RPS6KA2: variants seen among roughly 807,000 people sequenced by gnomAD.
The protein encoded by RPS6KA2 is ribosomal protein S6 kinase alpha-2.
A neutral mutation model predicts 91.8 loss-of-function variants in RPS6KA2; 42 were observed. That is an observed-to-expected ratio of 0.46 (90% CI 0.36 to 0.59). The LOEUF (loss-of-function observed/expected upper bound fraction) is 0.59, where lower values mean the gene tolerates loss of function less well. RPS6KA2 is among the 20% of genes least tolerant of loss of function. The pLI, the probability that RPS6KA2 is intolerant of heterozygous loss-of-function variation, is 0.00. For synonymous variants in RPS6KA2, 414 were observed against 393.6 expected, an observed-to-expected ratio of 1.05 and a Z score of -0.61; for missense variants, 798 against 978.5, an observed-to-expected ratio of 0.82 and a Z score of 2.46.
chr6:166,582,389 G>C (rs1785049408), intron 1 of RPS6KA2, among the ~76,000 whole-genome samples: 1 of 152,220 alleles, frequency 6.6e-6, no homozygotes, highest in Admixed American at 6.5e-5. Context: ...TTGGGAGAGT[G>C]AACATGTGTT....
chr6:166,742,407 T>A (rs531665444), intron 2 of RPS6KA2, among the ~76,000 whole-genome samples: 2 of 152,254 alleles, frequency 1.3e-5, no homozygotes, highest in South Asian at 4.1e-4. Context: ...CAGAGTTGTG[T>A]CATAAGAGAG....
In RPS6KA2 at chr6:166,511,286, C is replaced by T. The variant is rs115102636; in HGVS notation, c.299-929G>A. On this transcript the variant is annotated intron_variant, in intron 3 of 20. Transcript: ENST00000265678. ...TCATCCAATGGTGTGAGCATACATA[C>T]GTGATCCCTGCCTGAATCATTCAGG... 7.6e-3 allele frequency among the ~76,000 whole-genome samples: 1,159 copies of T among 152,300 alleles called. 20 individuals carry two copies. Among genetic ancestry groups the T allele is most frequent in the African/African-American group, 0.027 (1,128 of 41,556 alleles).
chr6:166,767,553 T>G lies in RPS6KA2; in HGVS notation c.123+90647A>C, dbSNP rs1465998513. On this transcript the variant is annotated intron_variant, in intron 2 of 21. Coordinates refer to the RPS6KA2 transcript ENST00000503859. This position sits in a 1 kb window ranked among gnomAD's most constrained non-coding sequence, Gnocchi z 4.6. ...GGAGCCCTTCAGACTGCGCTCCACT[T>G]GCCAGCAAGCCTCAAAGGGACCCAG... 6.6e-6 allele frequency among the ~76,000 whole-genome samples: 1 copy of G among 152,158 alleles called. No individual in the cohort carries two copies. Among genetic ancestry groups the G allele is most frequent in the South Asian group, 2.1e-4 (1 of 4,820 alleles).
chr6:166,564,627 C>T (rs11970618), intron 1 of RPS6KA2, among the ~76,000 whole-genome samples: 1 of 152,192 alleles, frequency 6.6e-6, no homozygotes, highest in Non-Finnish European at 1.5e-5. Context: ...CTTGCACTTG[C>T]TCTTTAATGT....
At chr6:166,792,931 T>C (rs1363820389) in intron 2 of RPS6KA2, among the ~76,000 whole-genome samples, 1 of 152,140 alleles carries the variant, frequency 6.6e-6, no homozygotes, top group Non-Finnish European at 1.5e-5. Flanking sequence ...AGCATTCCCT[T>C]TGAAAACTGG....
chr6:166,538,390 T>G (rs1383995377), intron 2 of RPS6KA2, among the ~76,000 whole-genome samples: 1 of 152,184 alleles, frequency 6.6e-6, no homozygotes, highest in Admixed American at 6.5e-5. Context: ...CTTCCTCACC[T>G]TGGTGATGAT....
At position 166,423,652 on chromosome 6, in the gene RPS6KA2, C is replaced by T. The variant is rs779581700; in HGVS notation, c.1582-235G>A. On this transcript the variant is annotated intron_variant, in intron 16 of 20. Transcript: ENST00000265678. The surrounding 1 kb of genome is among the most constrained non-coding windows in gnomAD (Gnocchi z 4.8). ...GAGCTCCTGGTGTCACCTGCTTTTACAGTGAATGAATATTTGAGTAAATAA... is the reference window on the plus strand; with the variant it reads ...GAGCTCCTGGTGTCACCTGCTTTTATAGTGAATGAATATTTGAGTAAATAA... Among the ~76,000 whole-genome samples, 5 of 152,196 alleles carry T rather than the reference C, an allele frequency of 3.3e-5. No homozygotes were observed. The highest frequency in any genetic ancestry group is 4.8e-5 in the African/African-American group (2 of 41,446).
rs750607336 is a variant in RPS6KA2 at position 166,448,718 on chromosome 6, C to T, written c.1332+6G>A. 6.8e-6 allele frequency: 11 copies of T among 1,608,228 alleles called. No individual in the cohort carries two copies. The highest frequency in any genetic ancestry group is 5.1e-5 in the Admixed American group (3 of 59,108). On this transcript the variant is annotated splice_donor_region_variant and intron_variant, in intron 14 of 20. Transcript: ENST00000265678. This position sits in a 1 kb window ranked among gnomAD's most constrained non-coding sequence, Gnocchi z 4.7. The stretch of plus-strand genomic sequence containing the variant: ...GGGCCCTGCTCACTCAGCAGGCCTG[C>T]CTTACCTTCACGGCATACTCGGTGT...
intron 2 of RPS6KA2, among the ~76,000 whole-genome samples, chr6:166,829,589 C>CAAAAAAAAAAAAAA (rs57711560): frequency 1.0e-5 from 1 of 96,938 alleles, no homozygotes; most frequent in African/African-American, 4.7e-5. Flanking sequence ...GACTCTGTCT[C>CAAAAAAAAAAAAAA]AAAAAAAAAA....
At chr6:166,628,645 G>A (rs1786982365), upstream of RPS6KA2, among the ~76,000 whole-genome samples, 1 of 152,250 alleles carries the variant, frequency 6.6e-6, no homozygotes, top group Non-Finnish European at 1.5e-5. Context: ...CTCCGGAGTG[G>A]AAGCCGGGAG....
At position 166,767,612 on chromosome 6, in the gene RPS6KA2, G is replaced by T. The variant is rs956964062; in HGVS notation, c.123+90588C>A. Among the ~76,000 whole-genome samples, 1 of 152,178 alleles carries T rather than the reference G, an allele frequency of 6.6e-6. No individual in the cohort carries two copies. The highest frequency in any genetic ancestry group is 2.4e-5 in the African/African-American group (1 of 41,444). ...AACATTCGGCCAGAATGTGTTGAGC[G>T]TCCACAATGTTCCAGGCTTAGCCCC... On this transcript the variant is annotated intron_variant, in intron 2 of 21. Transcript: ENST00000503859. The surrounding 1 kb of genome is among the most constrained non-coding windows in gnomAD (Gnocchi z 4.6).
At chr6:166,681,679 T>G (rs1583015212) in intron 2 of RPS6KA2, among the ~76,000 whole-genome samples, 2 of 52,234 alleles carry the variant, frequency 3.8e-5, no homozygotes, top group African/African-American at 2.8e-4. Flanking sequence ...TCCCTGGATC[T>G]CCCCCTGCCC....
At position 166,418,310 on chromosome 6, in the gene RPS6KA2, G is replaced by C; in HGVS notation, c.1853C>G (p.Thr618Ser). 29 of 1,613,856 alleles carry C rather than the reference G, an allele frequency of 1.8e-5. No homozygotes were observed. The highest frequency in any genetic ancestry group is 2.4e-5 in the Non-Finnish European group (28 of 1,179,904). ...GATCCGCGCCAGAATCTCCTCAGGG[G>C]TATCGTCTGGCCCATTTGCAAAAGG... ...FTPFANGPDDTPEEILARIGS... is the reference protein window; with the variant it reads ...FTPFANGPDDSPEEILARIGS... The change falls in exon 19 of 21, where the codon ACC (threonine) becomes AGC (serine). Residue 618 changes from threonine (T) to serine (S), a missense_variant. Coordinates refer to ENST00000265678, the MANE Select transcript of RPS6KA2 (RefSeq NM_021135.6). This position sits in a 1 kb window ranked among gnomAD's most constrained non-coding sequence, Gnocchi z 4.9.
chr6:166,737,342 G>A lies in RPS6KA2; in HGVS notation c.123+120858C>T, dbSNP rs1358720157. Among the ~76,000 whole-genome samples the A allele has an allele frequency of 6.6e-6, 1 of 152,220 alleles. No individual in the cohort carries two copies. Among genetic ancestry groups the A allele is most frequent in the African/African-American group, 2.4e-5 (1 of 41,458 alleles). ...CTTCACCCCAGCGGCAGCCTGGTGT[G>A]ATAATTGGTAGGTAACCAGTTTGCT... On this transcript the variant is annotated intron_variant, in intron 2 of 21. Coordinates refer to the RPS6KA2 transcript ENST00000503859. This position sits in a 1 kb window ranked among gnomAD's most constrained non-coding sequence, Gnocchi z 4.3.
At chr6:166,664,880 A>G (rs1788271902) in intron 2 of RPS6KA2, among the ~76,000 whole-genome samples, 1 of 152,210 alleles carries the variant, frequency 6.6e-6, no homozygotes, top group South Asian at 2.1e-4. Flanking sequence ...CGCCTCCTGA[A>G]CACAGATAGT....
At chr6:166,550,866 T>C (rs1308827435) in intron 1 of RPS6KA2, among the ~76,000 whole-genome samples, 4 of 151,610 alleles carry the variant, frequency 2.6e-5, no homozygotes, top group South Asian at 2.1e-4. Context: ...CCAGGCGTGG[T>C]GGCGGGCGCC....
intron 2 of RPS6KA2, among the ~76,000 whole-genome samples, chr6:166,633,278 GA>G (rs1787139651): frequency 6.6e-6 from 1 of 152,232 alleles, no homozygotes; most frequent in South Asian, 2.1e-4. Flanking sequence ...CACAGAGCAA[GA>G]AAGGAAATTG....
At chr6:166,847,509 A>G (rs1411970016) in intron 2 of RPS6KA2, among the ~76,000 whole-genome samples, 7 of 152,232 alleles carry the variant, frequency 4.6e-5, no homozygotes, top group Admixed American at 4.6e-4. Context: ...ACTCCAAACT[A>G]TACTGTAATG....
At chr6:166,449,675 G>C (rs1331953175) in intron 13 of RPS6KA2, among the ~76,000 whole-genome samples, 1 of 152,270 alleles carries the variant, frequency 6.6e-6, no homozygotes, top group South Asian at 2.1e-4. Context: ...ACACCATGGT[G>C]ACATTCTTCC....
Sources: allele counts gnomAD v4.1 joint callset (sites outside exome capture counted in the v4.1 genomes callset), GRCh38; gene constraint gnomAD v4.1.1; non-coding constraint Gnocchi (gnomAD v3.1); transcripts MANE v1.5; gene names NCBI Gene and HGNC (gene_info 2026-07-23, HGNC 2026-07-21).